Variants in PRR16 observed in about 807,000 individuals in gnomAD.
The protein encoded by PRR16 is proline rich 16, also known as protein Largen.
PRR16 carries 6 observed loss-of-function variants against 18.2 expected under a neutral mutation model. The ratio of observed to expected loss-of-function variants is 0.33; its 90% CI spans 0.18 to 0.65. The LOEUF is 0.65. Among genes scored for constraint, PRR16 ranks in the 30% least tolerant of loss-of-function variants. The pLI is 0.74. For missense variants in PRR16, 412 were observed against 376.6 expected, an observed-to-expected ratio of 1.09 and a Z score of -0.78; for synonymous variants, 151 against 147.8, an observed-to-expected ratio of 1.02 and a Z score of -0.16.
At chr5:120,785,760 C>A in the PRR16 span, among the ~76,000 whole-genome samples, 2 of 150,686 alleles carry the variant, frequency 1.3e-5, no homozygotes, top group Non-Finnish European at 3.0e-5. Flanking sequence ...TTAGTAGAGG[C>A]GGGGTTTCAC....
chr5:120,522,547 A>G (rs998172883), intron 1 of PRR16, among the ~76,000 whole-genome samples: 4 of 152,000 alleles, frequency 2.6e-5, no homozygotes, highest in African/African-American at 4.8e-5. Flanking sequence ...AAATTTGTTA[A>G]AGTTCTTTGT....
chr5:120,687,354 C>G (rs1757156553), downstream of PRR16: 2 of 152,274 alleles, frequency 1.3e-5, no homozygotes, highest in South Asian at 4.1e-4. Flanking sequence ...TTCATTTAAT[C>G]TCACTTAACA....
intron 1 of PRR16, among the ~76,000 whole-genome samples, chr5:120,547,894 A>G (rs1752122535): frequency 6.6e-6 from 1 of 152,092 alleles, no homozygotes; most frequent in South Asian, 2.1e-4. Flanking sequence ...GCAGTAGATG[A>G]GACATGTTAT....
At chr5:120,580,148 TC>T (rs1359337956) in intron 1 of PRR16, among the ~76,000 whole-genome samples, 1 of 152,206 alleles carries the variant, frequency 6.6e-6, no homozygotes, top group Non-Finnish European at 1.5e-5. Context: ...GATGGGGTTT[TC>T]TAAATATAAA....
At chr5:120,543,147 A>G (rs765306448) in intron 1 of PRR16, among the ~76,000 whole-genome samples, 1 of 152,164 alleles carries the variant, frequency 6.6e-6, no homozygotes, top group Non-Finnish European at 1.5e-5. Context: ...CAGAGATTCA[A>G]CTTGTAATTA....
intron 1 of PRR16, among the ~76,000 whole-genome samples, chr5:120,591,152 G>A (rs930788710): frequency 2.6e-5 from 4 of 151,830 alleles, no homozygotes; most frequent in Non-Finnish European, 4.4e-5. Flanking sequence ...GGTGGTGGGC[G>A]CCTGTAATCC....
At chr5:120,705,392 T>A in the PRR16 span, among the ~76,000 whole-genome samples, 4 of 152,138 alleles carry the variant, frequency 2.6e-5, no homozygotes, top group Admixed American at 2.0e-4. Flanking sequence ...TTAGTAAACA[T>A]ATATATCAGT....
the PRR16 span, among the ~76,000 whole-genome samples, chr5:120,779,399 TTTCAGGGAAAACAAAA>T: frequency 1.3e-5 from 2 of 151,318 alleles, no homozygotes; most frequent in Non-Finnish European, 2.9e-5. Flanking sequence ...AGCAGAGCTT[TTTCAGGGAAAACAAAA>T]CAAAACAAAA....
chr5:120,674,870 A>T (rs1756741585), intron 1 of PRR16, among the ~76,000 whole-genome samples: 1 of 151,470 alleles, frequency 6.6e-6, no homozygotes, highest in South Asian at 2.1e-4. Context: ...TTTTATTTTT[A>T]TTTTTAAGCC....
intron 1 of PRR16, among the ~76,000 whole-genome samples, chr5:120,557,087 A>G (rs151131759): frequency 7.6e-4 from 115 of 152,060 alleles, no homozygotes; most frequent in African/African-American, 2.5e-3. Flanking sequence ...GCTATGACAC[A>G]CAACAATAAA....
At chr5:120,725,300 T>A in the PRR16 span, among the ~76,000 whole-genome samples, 6 of 92,522 alleles carry the variant, frequency 6.5e-5, no homozygotes, top group Admixed American at 4.0e-4. Flanking sequence ...AAATTTGATG[T>A]TGTTTTTTTT....
intron 1 of PRR16, among the ~76,000 whole-genome samples, chr5:120,564,288 C>T (rs542099916): frequency 6.6e-6 from 1 of 152,210 alleles, no homozygotes; most frequent in East Asian, 1.9e-4. Context: ...CCACCCTAGT[C>T]CCCTGCCTCT....
chr5:120,603,078 A>G (rs1028638721), intron 1 of PRR16, among the ~76,000 whole-genome samples: 2 of 152,050 alleles, frequency 1.3e-5, no homozygotes, highest in African/African-American at 4.8e-5. Flanking sequence ...ATGGCTTCAT[A>G]GAATGAGGTG....
At chr5:120,577,796 C>T (rs554655801) in intron 1 of PRR16, among the ~76,000 whole-genome samples, 171 of 152,214 alleles carry the variant, frequency 1.1e-3, no homozygotes, top group African/African-American at 4.0e-3. Context: ...AGCTTTCTTT[C>T]GATTATTCAT....
chr5:120,747,065 A>T, the PRR16 span, among the ~76,000 whole-genome samples: 1 of 152,334 alleles, frequency 6.6e-6, no homozygotes, highest in Admixed American at 6.5e-5. Flanking sequence ...TCATTTCGTT[A>T]TTCGCTGTTG....
At chr5:120,466,319 G>A (rs1749078649) in intron 1 of PRR16, among the ~76,000 whole-genome samples, 1 of 152,194 alleles carries the variant, frequency 6.6e-6, no homozygotes, top group South Asian at 2.1e-4. Flanking sequence ...AATTGGGCAT[G>A]TTCCTTTCGG....
At chr5:120,557,497 C>G (rs1251478280) in intron 1 of PRR16, among the ~76,000 whole-genome samples, 1 of 151,716 alleles carries the variant, frequency 6.6e-6, no homozygotes, top group Non-Finnish European at 1.5e-5. Flanking sequence ...ACTAATACAA[C>G]TAATTAAACT....
At chr5:120,626,203 A>C (rs1455953124) in intron 1 of PRR16, among the ~76,000 whole-genome samples, 1 of 152,184 alleles carries the variant, frequency 6.6e-6, no homozygotes, top group Non-Finnish European at 1.5e-5. Context: ...AAATGAAAAC[A>C]ATCCAAATGT....
chr5:120,756,230 G>A, the PRR16 span, among the ~76,000 whole-genome samples: 9 of 152,024 alleles, frequency 5.9e-5, no homozygotes, highest in Non-Finnish European at 1.3e-4. Context: ...TTTTTCATCT[G>A]CACAGAAGTG....
Sources: allele counts gnomAD v4.1 joint callset (sites outside exome capture counted in the v4.1 genomes callset), GRCh38; gene constraint gnomAD v4.1.1; transcripts MANE v1.5; gene names NCBI Gene and HGNC (gene_info 2026-07-23, HGNC 2026-07-21).